Variants in ADGRG4 observed in about 807,000 individuals in gnomAD.
ADGRG4 encodes the protein G protein-coupled receptor 112.
ADGRG4 carries 122 observed loss-of-function variants against 126.2 expected under a neutral mutation model. That is an observed-to-expected ratio of 0.97 (90% CI 0.83 to 1.12). ADGRG4 has a LOEUF of 1.12. ADGRG4 is among the 50% of genes most tolerant of loss of function. ADGRG4 has a pLI of 0.00. For missense variants in ADGRG4, 2,481 were observed against 2,251.8 expected (o/e 1.10, Z -2.06); for synonymous variants, 943 against 838.7 (o/e 1.12, Z -2.15).
chrX:136,409,026 G>A (rs1290644303), intron 23 of ADGRG4, among the ~76,000 whole-genome samples: 1 of 100,526 alleles, frequency 9.9e-6, no homozygotes, highest in Admixed American at 1.1e-4. Flanking sequence ...GGAGTTTTCA[G>A]AGCTCAGAGT....
At chrX:136,302,704 A>T (rs1423192401) in intron 1 of ADGRG4, among the ~76,000 whole-genome samples, 1 of 112,023 alleles carries the variant, frequency 8.9e-6, no homozygotes, top group African/African-American at 3.2e-5. Flanking sequence ...ATGATTGCGG[A>T]CTATATGAAT....
chrX:136,324,400 T>C (rs74858124), intron 5 of ADGRG4, among the ~76,000 whole-genome samples: 25,997 of 110,173 alleles, frequency 0.24, 2,432 homozygotes, highest in Middle Eastern at 0.32. Context: ...CTTTTTCTTC[T>C]TCCATATTTA....
chrX:136,319,697 T>TTCTATCTATCTA (rs59139457), intron 4 of ADGRG4, among the ~76,000 whole-genome samples: 285 of 95,087 alleles, frequency 3.0e-3, no homozygotes, highest in East Asian at 9.9e-3. Context: ...GCCACAGTGA[T>TTCTATCTATCTA]TCTATCTATC....
At chrX:136,333,428 T>C (rs1388247873) in intron 5 of ADGRG4, among the ~76,000 whole-genome samples, 14 of 77,552 alleles carry the variant, frequency 1.8e-4, no homozygotes, top group African/African-American at 5.1e-4. Context: ...AGCCCTAATA[T>C]ATTCTAATTT....
At chrX:136,301,853 G>T (rs920933259) in intron 1 of ADGRG4, among the ~76,000 whole-genome samples, 6 of 111,871 alleles carry the variant, frequency 5.4e-5, no homozygotes, top group African/African-American at 1.6e-4. Context: ...TTTCCCCATT[G>T]CTTGTTTTTC....
chrX:136,385,164 A>C (rs755137010), intron 15 of ADGRG4, among the ~76,000 whole-genome samples: 47 of 111,408 alleles, frequency 4.2e-4, no homozygotes, highest in Non-Finnish European at 7.4e-4. Context: ...TCTACCTTTA[A>C]ATTTGCAGAC....
intron 24 of ADGRG4, among the ~76,000 whole-genome samples, chrX:136,413,880 A>G (rs1249551998): frequency 9.1e-6 from 1 of 109,826 alleles, no homozygotes; most frequent in Non-Finnish European, 1.9e-5. Flanking sequence ...AGCTGGGATT[A>G]CAGGCATGCG....
At chrX:136,319,787 T>G (rs923250351) in intron 4 of ADGRG4, among the ~76,000 whole-genome samples, 2 of 110,816 alleles carry the variant, frequency 1.8e-5, no homozygotes, top group African/African-American at 6.6e-5. Context: ...TGTCTACCTA[T>G]CCATTCATCC....
At chrX:136,374,980 A>T (rs1034645714) in intron 15 of ADGRG4, among the ~76,000 whole-genome samples, 8 of 110,438 alleles carry the variant, frequency 7.2e-5, no homozygotes, top group Admixed American at 9.6e-5. Flanking sequence ...TGTACTCGTC[A>T]CCTGAGCAGT....
At chrX:136,361,682 CT>C in intron 12 of ADGRG4, 95 bp downstream of exon 12, 1 of 574,493 alleles carries the variant, frequency 1.7e-6, no homozygotes, top group Non-Finnish European at 2.6e-6. Flanking sequence ...AGCATGCTCC[CT>C]TCCTCCACCT....
Position 136,349,101 on chromosome X carries a change from A to C in ADGRG4, c.5395A>C (p.Thr1799Pro). 8.3e-7 allele frequency: 1 copy of C among 1,207,051 alleles called. No homozygotes were observed. Among genetic ancestry groups the C allele is most frequent in the Non-Finnish European group, 1.1e-6 (1 of 892,123 alleles). The change falls in exon 6 of 26, where the codon ACT becomes CCT. Residue 1799 changes from threonine (T) to proline (P), a missense_variant. Coordinates refer to ENST00000394143, the MANE Select transcript of ADGRG4 (RefSeq NM_153834.4). The part of the protein sequence containing the change: ...NCFSSNTRKM[T>P]SLLEKTSLTN... ...CTTTTCTTCTAATACTAGAAAGATG[A>C]CTTCCTTGTTAGAAAAGACTTCCTT...
chrX:136,369,545 C>T (rs1434529836), intron 13 of ADGRG4, among the ~76,000 whole-genome samples: 1 of 112,135 alleles, frequency 8.9e-6, no homozygotes, highest in Non-Finnish European at 1.9e-5. Flanking sequence ...CATTCTGCCA[C>T]AGCAGGGACT....
intron 5 of ADGRG4, among the ~76,000 whole-genome samples, chrX:136,333,933 C>CT (rs1435751831): frequency 2.7e-5 from 3 of 111,262 alleles, no homozygotes; most frequent in Non-Finnish European, 5.7e-5. Flanking sequence ...TTTAAGAACT[C>CT]TTTGCTTAGC....
At chrX:136,367,373 G>C (rs1372056739) in intron 13 of ADGRG4, among the ~76,000 whole-genome samples, 2 of 112,603 alleles carry the variant, frequency 1.8e-5, no homozygotes, top group Non-Finnish European at 3.7e-5. Context: ...AAATGTTACA[G>C]CTTGAAGTGA....
In ADGRG4 at chrX:136,345,485, A is replaced by G. The variant is rs772086611; in HGVS notation, c.1779A>G (p.Thr593=). The G allele has an allele frequency of 8.3e-6, 10 of 1,211,114 alleles. No individual in the cohort carries two copies. The highest frequency in any genetic ancestry group is 1.1e-5 in the Non-Finnish European group (10 of 895,099). Residue 593 remains threonine (T), a synonymous_variant, in exon 6 of 26, where the codon ACA becomes ACG. Coordinates refer to ENST00000394143, the MANE Select transcript of ADGRG4 (RefSeq NM_153834.4). ...CTCCTGAAATCACACTTGCATCTAC[A>G]GTGGCTGAAACTATGCTTTCCTCCA... ...ALTPEITLAS[T]VAETMLSSTI... is the part of the protein sequence containing the mutation.
chrX:136,375,766 C>T (rs919511274), intron 15 of ADGRG4, among the ~76,000 whole-genome samples: 6 of 111,753 alleles, frequency 5.4e-5, no homozygotes, highest in African/African-American at 2.0e-4. Flanking sequence ...GTTTGAATTC[C>T]TTGTAGATTC....
chrX:136,371,647 T>G, intron 14 of ADGRG4, 103 bp downstream of exon 14: 1 of 460,223 alleles, frequency 2.2e-6, no homozygotes, highest in Non-Finnish European at 3.5e-6. Context: ...CAAACAACCA[T>G]AGATTGAAAA....
Position 136,347,751 on chromosome X carries a change from G to A in ADGRG4, c.4045G>A (p.Val1349Ile). 2 of 1,210,553 alleles carry A rather than the reference G, an allele frequency of 1.7e-6. No homozygotes were observed. The highest frequency in any genetic ancestry group is 3.5e-5 in the South Asian group (2 of 56,958). The change falls in exon 6 of 26, where the codon GTA (valine) becomes ATA (isoleucine). Residue 1349 changes from valine (V) to isoleucine (I), a missense_variant. Val to Ile is a conservative substitution (Grantham distance 29, BLOSUM62 3). Transcript: ENST00000394143. ...ITPTLTSSNT[V>I]GVHIPEMSTS... ...ACCAACCTTGACCTCAAGTAACACA[G>A]TAGGTGTTCACATTCCAGAAATGTC...
intron 5 of ADGRG4, among the ~76,000 whole-genome samples, chrX:136,334,625 A>C (rs1205474854): frequency 8.9e-6 from 1 of 112,353 alleles, no homozygotes; most frequent in Non-Finnish European, 1.9e-5. Context: ...GATTTGTTTC[A>C]TTAGCATTTT....
Sources: gnomAD v4.1 joint callset for allele counts (sites outside exome capture counted in the v4.1 genomes callset) on GRCh38, gnomAD v4.1.1 for gene constraint, MANE v1.5 for transcripts, NCBI Gene and HGNC (gene_info 2026-07-23, HGNC 2026-07-21) for gene names.